The following F9 variants were observed in gnomAD, a reference collection of about 807,000 sequenced individuals.
The protein encoded by F9 is Christmas factor.
F9 carries 2 observed loss-of-function variants against 34.1 expected under a neutral mutation model. That is an observed-to-expected ratio of 0.06 (90% CI 0.02 to 0.18). The LOEUF (loss-of-function observed/expected upper bound fraction) is 0.18. Ranked by LOEUF, F9 falls within the 10% of genes least tolerant of loss-of-function variation. F9 has a pLI of 1.00. For missense variants in F9, 216 were observed against 345.1 expected, an observed-to-expected ratio of 0.63 and a Z score of 2.96; for synonymous variants, 137 against 118.8, an observed-to-expected ratio of 1.15 and a Z score of -1.00.
Position 139,551,171 on chromosome X carries a change from T to C in F9, c.630T>C (p.Ile210=). 1 of 1,211,191 alleles carries C rather than the reference T, an allele frequency of 8.3e-7. No individual in the cohort carries two copies. Among genetic ancestry groups the C allele is most frequent in the South Asian group, 1.8e-5 (1 of 56,931 alleles). The change falls in exon 6 of 8, where the codon ATT becomes ATC. Residue 210 remains isoleucine, a synonymous_variant. Transcript: ENST00000218099. The part of the protein sequence containing the change: ...DYVNSTEAET[I]LDNITQSTQS... Reference sequence around the variant, plus strand: ...TAAATTCTACTGAAGCTGAAACCATTTTGGATAACATCACTCAAAGCACCC... The same window carrying C: ...TAAATTCTACTGAAGCTGAAACCATCTTGGATAACATCACTCAAAGCACCC...
At chrX:139,552,176 A>T (rs1289574372) in intron 6 of F9, among the ~76,000 whole-genome samples, 1 of 111,632 alleles carries the variant, frequency 9.0e-6, no homozygotes, top group Non-Finnish European at 1.9e-5. Context: ...CCTGAGTGAC[A>T]GAGTAAGACC....
chrX:139,541,210 T>C, intron 4 of F9, 21 bp downstream of exon 4: 1 of 1,038,529 alleles, frequency 9.6e-7, no homozygotes, highest in Non-Finnish European at 1.3e-6. Context: ...ATTTTTTGAA[T>C]ACTCATGGTT....
intron 6 of F9, among the ~76,000 whole-genome samples, chrX:139,560,325 T>G (rs771426863): frequency 1.3e-4 from 15 of 112,031 alleles, no homozygotes; most frequent in Admixed American, 4.7e-4. Context: ...AAAAATTTCA[T>G]CATGTAGGTA....
At chrX:139,533,086 G>T (rs1355242019) in intron 1 of F9, among the ~76,000 whole-genome samples, 1 of 111,488 alleles carries the variant, frequency 9.0e-6, no homozygotes, top group Non-Finnish European at 1.9e-5. Flanking sequence ...TTATCTGCGG[G>T]AGACATAAAG....
intron 7 of F9, 91 bp from the exon 8 acceptor site, chrX:139,561,433 C>T (rs1928099160): frequency 1.2e-5 from 9 of 779,166 alleles, no homozygotes; most frequent in Admixed American, 2.8e-5. Flanking sequence ...TTTAACATTG[C>T]CAATTAGGTC....
intron 1 of F9, among the ~76,000 whole-genome samples, chrX:139,531,305 T>C (rs1372488565): frequency 8.9e-6 from 1 of 112,326 alleles, no homozygotes; most frequent in Non-Finnish European, 1.9e-5. Flanking sequence ...TTAAGATATA[T>C]GACATTTCAA....
In F9 at chrX:139,541,182, T is replaced by C. The variant is rs780435919; in HGVS notation, c.384T>C (p.Cys128=). Residue 128 remains cysteine, a synonymous_variant, in exon 4 of 8, where the codon TGT becomes TGC. Transcript: ENST00000218099. The part of the protein sequence containing the change: ...WCPFGFEGKN[C]ELDVTCNIKN... ...CCTTTGGATTTGAAGGAAAGAACTG[T>C]GAATTAGGTAAGTAACTATTTTTTG... is the stretch of plus-strand genomic sequence containing the variant. 13 of 1,161,306 alleles carry C rather than the reference T, an allele frequency of 1.1e-5. No homozygotes were observed. The highest frequency in any genetic ancestry group is 1.3e-5 in the Non-Finnish European group (11 of 853,856).
chrX:139,540,679 T>C (rs765578821), intron 3 of F9, among the ~76,000 whole-genome samples: 3 of 112,080 alleles, frequency 2.7e-5, no homozygotes, highest in Non-Finnish European at 5.6e-5. Context: ...TTGTGTGACA[T>C]AGAGATAATA....
chrX:139,544,956 A>T (rs1394933311), intron 4 of F9: 1 of 111,595 alleles, frequency 9.0e-6, no homozygotes, highest in Non-Finnish European at 1.9e-5. Flanking sequence ...GGGTACCCAG[A>T]GGGTCATATG....
At position 139,556,129 on chromosome X, in the gene F9, G is replaced by A. The variant is rs776651112; in HGVS notation, c.724-4612G>A. On this transcript the variant is annotated intron_variant, in intron 6 of 7. Transcript: ENST00000218099. The stretch of plus-strand genomic sequence containing the variant: ...CATAGGCCTCAGTTCGGTGTGTGGC[G>A]TATTTATTCTACATTTAACAATTTG... 8.2e-5 allele frequency among the ~76,000 whole-genome samples: 9 copies of A among 110,245 alleles called. No individual in the cohort carries two copies. The South Asian group carries it at 3.5e-3, about 43-fold the overall frequency.
chrX:139,531,784 C>T (rs1215193206), intron 1 of F9, among the ~76,000 whole-genome samples: 2 of 111,875 alleles, frequency 1.8e-5, no homozygotes, highest in Non-Finnish European at 3.8e-5. Flanking sequence ...CTAAGCACCC[C>T]CAGAAAGCTG....
chrX:139,537,329 T>C (rs1159667729), intron 2 of F9, 33 bp from the exon 3 acceptor site: 1 of 1,169,512 alleles, frequency 8.6e-7, no homozygotes, highest in Non-Finnish European at 1.2e-6. Context: ...CTTTAGATAT[T>C]ACCGTTAATT....
At chrX:139,540,224 A>G (rs777616297) in intron 3 of F9, among the ~76,000 whole-genome samples, 5 of 111,679 alleles carry the variant, frequency 4.5e-5, no homozygotes, top group Non-Finnish European at 9.4e-5. Context: ...AACCAGACTT[A>G]AAGATTCCCT....
chrX:139,561,448 G>A, intron 7 of F9, 76 bp from the exon 8 acceptor site: 1 of 904,620 alleles, frequency 1.1e-6, no homozygotes. Context: ...TAGGTCAGTG[G>A]TCCCAAGTAG....
chrX:139,541,449 T>C (rs999597745), intron 4 of F9, among the ~76,000 whole-genome samples: 2 of 111,787 alleles, frequency 1.8e-5, no homozygotes, highest in African/African-American at 3.3e-5. Flanking sequence ...CGTATGTGGT[T>C]AGTACTATCA....
chrX:139,555,726 G>A (rs1325586077), intron 6 of F9, among the ~76,000 whole-genome samples: 4 of 112,500 alleles, frequency 3.6e-5, no homozygotes, highest in Admixed American at 9.4e-5. Flanking sequence ...AGGGTTAAAT[G>A]CACTACACAG....
intron 6 of F9, among the ~76,000 whole-genome samples, chrX:139,558,215 C>T (rs1298412443): frequency 1.8e-5 from 2 of 113,907 alleles, no homozygotes; most frequent in Admixed American, 1.8e-4. Context: ...GAATGCGCCA[C>T]AGCACATTTG....
intron 4 of F9, among the ~76,000 whole-genome samples, chrX:139,543,378 T>G (rs1175539218): frequency 1.8e-5 from 2 of 111,430 alleles, no homozygotes; most frequent in African/African-American, 6.5e-5. Flanking sequence ...CTGTAAGAAT[T>G]TGGTCATTCC....
intron 4 of F9, among the ~76,000 whole-genome samples, chrX:139,542,816 T>C (rs766951525): frequency 3.6e-5 from 4 of 111,560 alleles, no homozygotes; most frequent in African/African-American, 1.3e-4. Flanking sequence ...CTGACACAAC[T>C]TGGATACTCT....
Sources: allele counts gnomAD v4.1 joint callset (sites outside exome capture counted in the v4.1 genomes callset), GRCh38; gene constraint gnomAD v4.1.1; transcripts MANE v1.5; gene names NCBI Gene and HGNC (gene_info 2026-07-23, HGNC 2026-07-21).